The following CCDC7 variants were observed in gnomAD, a reference collection of about 807,000 sequenced individuals.
CCDC7 encodes coiled-coil domain-containing protein 7.
A neutral mutation model predicts 196.9 loss-of-function variants in CCDC7; 183 were observed. The observed-to-expected ratio is 0.93, with a 90% CI of 0.82 to 1.05. The LOEUF is 1.05. Ranked by LOEUF, CCDC7 falls within the 50% of genes least tolerant of loss-of-function variation. The pLI, the probability that CCDC7 is intolerant of heterozygous loss-of-function variation, is 0.00. For synonymous variants in CCDC7, 525 were observed against 484.6 expected, an observed-to-expected ratio of 1.08 and a Z score of -1.10; for missense variants, 1,540 against 1,482.2, an observed-to-expected ratio of 1.04 and a Z score of -0.64.
intron 41 of CCDC7, among the ~76,000 whole-genome samples, chr10:32,861,287 T>A (rs7477173): frequency 0.16 from 23,757 of 151,958 alleles, 2,293 homozygotes; most frequent in African/African-American, 0.25. Flanking sequence ...AACCATCTGA[T>A]TTTTGACGAA....
At chr10:32,576,805 C>T (rs918712912) in intron 16 of CCDC7, among the ~76,000 whole-genome samples, 2 of 152,096 alleles carry the variant, frequency 1.3e-5, no homozygotes, top group African/African-American at 4.8e-5. Context: ...CGCACCTCAG[C>T]TTCCTAAAGA....
At chr10:32,447,570 T>A (rs2031686020), upstream of CCDC7, among the ~76,000 whole-genome samples, 2 of 152,196 alleles carry the variant, frequency 1.3e-5, no homozygotes, top group Admixed American at 6.5e-5. Context: ...TCATTAATTT[T>A]TACTGAAAGC....
chr10:32,775,441 G>A (rs1392254456), intron 28 of CCDC7, among the ~76,000 whole-genome samples: 4 of 152,240 alleles, frequency 2.6e-5, no homozygotes, highest in Admixed American at 6.5e-5. Context: ...ACTTTCTGAC[G>A]TTGAGTACTT....
intron 31 of CCDC7, among the ~76,000 whole-genome samples, chr10:32,821,415 G>A (rs1005923729): frequency 2.6e-5 from 4 of 152,072 alleles, no homozygotes; most frequent in African/African-American, 9.7e-5. Flanking sequence ...GATTCTTCAG[G>A]GATCTAGAAC....
intron 18 of CCDC7, among the ~76,000 whole-genome samples, chr10:32,631,899 A>T (rs924178984): frequency 2.6e-5 from 4 of 152,002 alleles, no homozygotes; most frequent in Non-Finnish European, 5.9e-5. Flanking sequence ...TTTCATTTTG[A>T]TACTATTATT....
At chr10:32,612,139 C>T (rs1415433289) in intron 18 of CCDC7, among the ~76,000 whole-genome samples, 1 of 152,114 alleles carries the variant, frequency 6.6e-6, no homozygotes, top group Non-Finnish European at 1.5e-5. Flanking sequence ...CGTCACATCC[C>T]TTGTAAGTTG....
intron 32 of CCDC7, among the ~76,000 whole-genome samples, chr10:32,833,960 G>A (rs146726023): frequency 4.6e-5 from 7 of 152,086 alleles, no homozygotes; most frequent in South Asian, 2.1e-4. Context: ...CTTGAGGCCC[G>A]GTAGATGGCA....
chr10:32,657,737 T>G (rs946073176), intron 20 of CCDC7, among the ~76,000 whole-genome samples: 1 of 152,222 alleles, frequency 6.6e-6, no homozygotes, highest in Non-Finnish European at 1.5e-5. Context: ...AGCTCCTCGT[T>G]ACTTATGGAA....
intron 20 of CCDC7, among the ~76,000 whole-genome samples, chr10:32,648,958 C>A (rs1200309962): frequency 1.3e-5 from 2 of 152,114 alleles, no homozygotes; most frequent in African/African-American, 4.8e-5. Context: ...ACATATATTC[C>A]ATGGAATACT....
At chr10:32,563,428 C>T (rs528052190) in intron 13 of CCDC7, among the ~76,000 whole-genome samples, 56 of 152,318 alleles carry the variant, frequency 3.7e-4, no homozygotes, top group African/African-American at 1.3e-3. Flanking sequence ...ACCAAAACAG[C>T]ATGGTACTGG....
rs2064252182 is a variant in CCDC7 at position 32,627,705 on chromosome 10, T to G, written c.1802-6549T>G. 1.5e-5 allele frequency among the ~76,000 whole-genome samples: 2 copies of G among 136,392 alleles called. 1 individual carries two copies. Among genetic ancestry groups the G allele is most frequent in the Admixed American group, 1.4e-4 (2 of 14,600 alleles). 89.5% of individuals were successfully genotyped at this position (136,392 alleles called of 152,430 possible). ...CCTTCTATATGTAATTTGGTGAGAG[T>G]TTTTTTTTAATCATGAAAGTATGTT... is the stretch of plus-strand genomic sequence containing the variant. On this transcript the variant is annotated intron_variant, in intron 18 of 41. Transcript: ENST00000639629.
chr10:32,835,799 T>C (rs754919029), intron 33 of CCDC7, among the ~76,000 whole-genome samples: 7 of 152,048 alleles, frequency 4.6e-5, no homozygotes, highest in African/African-American at 7.2e-5. Context: ...AGTTTACCTA[T>C]GTAACAAACT....
At chr10:32,811,922 A>G (rs1347569076) in intron 30 of CCDC7, among the ~76,000 whole-genome samples, 4 of 152,130 alleles carry the variant, frequency 2.6e-5, no homozygotes, top group Non-Finnish European at 4.4e-5. Flanking sequence ...AACATATACA[A>G]ATCAATAAAC....
intron 11 of CCDC7, among the ~76,000 whole-genome samples, chr10:32,536,039 A>AAG (rs2050434263): frequency 6.6e-6 from 1 of 152,144 alleles, no homozygotes; most frequent in South Asian, 2.1e-4. Context: ...GAATTTCAGC[A>AAG]AGAGAGAGAA....
At chr10:32,661,640 C>T (rs1182497394) in intron 20 of CCDC7, among the ~76,000 whole-genome samples, 5 of 152,120 alleles carry the variant, frequency 3.3e-5, no homozygotes, top group Admixed American at 6.5e-5. Context: ...TGGCAAGTTC[C>T]CTTTTGGCCC....
At chr10:32,802,876 TG>T (rs2085087125) in intron 29 of CCDC7, among the ~76,000 whole-genome samples, 1 of 152,232 alleles carries the variant, frequency 6.6e-6, no homozygotes, top group African/African-American at 2.4e-5. Flanking sequence ...TTCTTCTGCC[TG>T]CTTTTATTCT....
intron 18 of CCDC7, among the ~76,000 whole-genome samples, chr10:32,596,956 T>C (rs2060439886): frequency 6.6e-6 from 1 of 152,156 alleles, no homozygotes; most frequent in Non-Finnish European, 1.5e-5. Flanking sequence ...CCCTTAACAT[T>C]TTTTTGTTTT....
intron 11 of CCDC7, among the ~76,000 whole-genome samples, chr10:32,532,850 T>TCC (rs2049889254): frequency 6.6e-6 from 1 of 152,164 alleles, no homozygotes; most frequent in Admixed American, 6.5e-5. Flanking sequence ...ACTTTCAGGC[T>TCC]GTGTGTGTCT....
intron 24 of CCDC7, among the ~76,000 whole-genome samples, chr10:32,699,993 A>G (rs2078397471): frequency 6.7e-6 from 1 of 149,274 alleles, no homozygotes; most frequent in East Asian, 1.9e-4. Context: ...ATTTTCTCCC[A>G]TTCTGTAGGT....
Sources: allele counts gnomAD v4.1 joint callset (sites outside exome capture counted in the v4.1 genomes callset), GRCh38; gene constraint gnomAD v4.1.1; transcripts MANE v1.5; gene names NCBI Gene and HGNC (gene_info 2026-07-23, HGNC 2026-07-21).